C2orf74: variants seen among roughly 807,000 people sequenced by gnomAD.
C2orf74 encodes uncharacterized protein C2orf74.
A neutral mutation model predicts 17.9 loss-of-function variants in C2orf74; 14 were observed. The observed-to-expected ratio is 0.78, with a 90% confidence interval of 0.52 to 1.22. The LOEUF (loss-of-function observed/expected upper bound fraction) is 1.22. C2orf74 is among the 50% of genes most tolerant of loss of function. C2orf74 has a pLI of 0.00. For missense variants in C2orf74, 217 were observed against 218.4 expected (o/e 0.99, Z 0.04); for synonymous variants, 79 against 72.6 (o/e 1.09, Z -0.44).
chr2:61,157,864 T>G (rs1244578076), upstream of C2orf74: 2 of 470,912 alleles, frequency 4.2e-6, no homozygotes, highest in Non-Finnish European at 4.4e-6. Context: ...TGTCACAGGA[T>G]TTCAACAGAT....
rs565619614 is a variant in C2orf74, at chr2:61,162,594, T to C, written c.80T>C (p.Val27Ala). Residue 27 changes from valine (V) to alanine (A), a missense_variant, in exon 2 of 5, where the codon GTT becomes GCT. Val to Ala is a moderately conservative substitution (Grantham distance 64). Transcript: ENST00000432605. Reference sequence around the variant, plus strand: ...ATTTGCATCCTCCTCTTATTGGTGGTTTTTTTATATAAATGGTATAAATCC... The same window carrying C: ...ATTTGCATCCTCCTCTTATTGGTGGCTTTTTTATATAAATGGTATAAATCC... The part of the protein sequence containing the change: ...CLICILLLLV[V>A]FLYKCFQGRK... 5.2e-6 allele frequency: 8 copies of C among 1,537,804 alleles called. No individual in the cohort carries two copies. Among genetic ancestry groups the C allele is most frequent in the Middle Eastern group, 1.7e-4 (1 of 5,970 alleles).
chr2:61,155,799 C>T (rs1289274919), intron 1 of C2orf74, among the ~76,000 whole-genome samples: 5 of 151,650 alleles, frequency 3.3e-5, no homozygotes, highest in African/African-American at 9.7e-5. Context: ...GGATTACAGG[C>T]GTGAGCCACC....
chr2:61,150,966 C>T (rs1685209074), intron 1 of C2orf74, among the ~76,000 whole-genome samples: 2 of 152,108 alleles, frequency 1.3e-5, no homozygotes, highest in African/African-American at 4.8e-5. Context: ...GCACCCTTTG[C>T]TTTCACTAAG....
At chr2:61,163,996 C>G (rs940403035) in intron 4 of C2orf74, among the ~76,000 whole-genome samples, 3 of 152,086 alleles carry the variant, frequency 2.0e-5, no homozygotes, top group African/African-American at 7.3e-5. Flanking sequence ...GCACACAACA[C>G]AGCTGGGTCC....
Position 61,164,467 on chromosome 2 carries a change from T to A in C2orf74, c.504T>A (p.Asp168Glu). The change falls in exon 5 of 5, where the codon GAT becomes GAA. Residue 168 changes from aspartate to glutamate, a missense_variant. Asp to Glu is a conservative substitution (Grantham distance 45). Transcript: ENST00000432605. Reference sequence around the variant, plus strand: ...TTTCTAGGGAGGTAATTGTTGTGGATCTTGGGAATGAATACCCTACACCTC... The same window carrying A: ...TTTCTAGGGAGGTAATTGTTGTGGAACTTGGGAATGAATACCCTACACCTC... ...VTFSREVIVV[D>E]LGNEYPTPRS... is the part of the protein sequence containing the mutation. 1 of 1,551,016 alleles carries A rather than the reference T, an allele frequency of 6.4e-7. No homozygotes were observed. The highest frequency in any genetic ancestry group is 1.2e-5 in the South Asian group (1 of 83,922).
chr2:61,158,811 ACT>A (rs1201243970), upstream of C2orf74, among the ~76,000 whole-genome samples: 7 of 151,888 alleles, frequency 4.6e-5, no homozygotes, highest in Non-Finnish European at 7.4e-5. Context: ...TGAGGAAGAA[ACT>A]CTGATGAGAT....
upstream of C2orf74, among the ~76,000 whole-genome samples, chr2:61,161,069 C>CT (rs1010097054): frequency 2.6e-5 from 4 of 152,116 alleles, no homozygotes; most frequent in African/African-American, 9.7e-5. Flanking sequence ...CTCACCAATA[C>CT]TTTTTTTTCT....
At position 61,162,842 on chromosome 2, in the gene C2orf74, T is replaced by C; in HGVS notation, c.96T>C (p.Cys32=). The C allele has an allele frequency of 6.4e-7, 1 of 1,551,488 alleles. No individual in the cohort carries two copies. The highest frequency in any genetic ancestry group is 8.7e-7 in the Non-Finnish European group (1 of 1,146,688). The change falls in exon 3 of 5, where the codon TGT becomes TGC. Residue 32 remains cysteine, a splice_region_variant and synonymous_variant. Transcript: ENST00000432605. ...LLLLVVFLYK[C]FQGRKGKETK... ...GAATTTGTGGCTTGTTTGTTTTCAG[T>C]TTCCAAGGCAGGAAAGGTAAAGAGA...
chr2:61,146,108 A>T (rs1685062176), intron 1 of C2orf74, among the ~76,000 whole-genome samples: 1 of 152,264 alleles, frequency 6.6e-6, no homozygotes, highest in African/African-American at 2.4e-5. Context: ...TGATTGTAAT[A>T]GCAAAAGGTT....
rs2103647654 is a variant in C2orf74, at chr2:61,162,799, G to A, written c.96-43G>A. ...TTTCTATACCACACCTTAAAATCAG[G>A]GCCATTCTTCCTTTTCTGAATTTGT... On this transcript the variant is annotated intron_variant, in intron 2 of 4. Coordinates refer to ENST00000432605, the MANE Select transcript of C2orf74 (RefSeq NM_001143959.4). 4.1e-6 allele frequency: 6 copies of A among 1,467,838 alleles called. No individual in the cohort carries two copies. The Middle Eastern group carries it at 8.5e-4, about 209-fold the overall frequency. The allele number at this position is 1,467,838 out of a possible 1,614,324, so 90.9% of individuals were successfully genotyped here.
At chr2:61,148,095 AGGAATATATAT>A (rs1301977015) in intron 1 of C2orf74, among the ~76,000 whole-genome samples, 1 of 148,740 alleles carries the variant, frequency 6.7e-6, no homozygotes, top group Non-Finnish European at 1.5e-5. Context: ...AACTTTGGAA[AGGAATATATAT>A]GGAATATATA....
intron 1 of C2orf74, among the ~76,000 whole-genome samples, chr2:61,150,260 C>T (rs1048005998): frequency 6.6e-6 from 1 of 152,148 alleles, no homozygotes. Context: ...GATGGAGGTG[C>T]ACCTGGCCTT....
At chr2:61,147,554 C>A (rs1311586329) in intron 1 of C2orf74, among the ~76,000 whole-genome samples, 2 of 152,058 alleles carry the variant, frequency 1.3e-5, no homozygotes, top group Non-Finnish European at 2.9e-5. Context: ...TAAAATATTA[C>A]CTGATTTTGT....
At chr2:61,157,898 G>A (rs1685439505), upstream of C2orf74, 1 of 471,166 alleles carries the variant, frequency 2.1e-6, no homozygotes, top group Admixed American at 2.3e-5. Flanking sequence ...GCCTTAGGGA[G>A]GTGGTTGGGG....
intron 1 of C2orf74, among the ~76,000 whole-genome samples, chr2:61,157,034 A>G (rs1021343545): frequency 3.3e-5 from 5 of 152,132 alleles, no homozygotes; most frequent in Non-Finnish European, 7.3e-5. Context: ...TGATTGATTG[A>G]TTGACTGATC....
At chr2:61,153,447 A>T (rs1056615646) in intron 1 of C2orf74, among the ~76,000 whole-genome samples, 32 of 150,782 alleles carry the variant, frequency 2.1e-4, no homozygotes, top group African/African-American at 7.3e-4. Context: ...CGCCTAGCTA[A>T]TTTTTTTTGT....
intron 2 of C2orf74, 89 bp downstream of exon 2, chr2:61,162,698 C>T: frequency 9.3e-7 from 1 of 1,076,864 alleles, no homozygotes; most frequent in South Asian, 1.4e-5. Context: ...TAAAACAGAA[C>T]AAGTAATGAT....
chr2:61,148,695 T>C (rs1006158428), intron 1 of C2orf74, among the ~76,000 whole-genome samples: 1 of 152,204 alleles, frequency 6.6e-6, no homozygotes, highest in African/African-American at 2.4e-5. Flanking sequence ...GTACATGTCC[T>C]TTGTATATGA....
At chr2:61,146,915 T>G (rs1414512461) in intron 1 of C2orf74, among the ~76,000 whole-genome samples, 1 of 151,700 alleles carries the variant, frequency 6.6e-6, no homozygotes, top group Non-Finnish European at 1.5e-5. Context: ...TTTGGAAGAC[T>G]GAGACAGGAG....
Sources: gnomAD v4.1 joint callset for allele counts (sites outside exome capture counted in the v4.1 genomes callset) on GRCh38, gnomAD v4.1.1 for gene constraint, MANE v1.5 for transcripts, NCBI Gene and HGNC (gene_info 2026-07-23, HGNC 2026-07-21) for gene names.